Variants in STAT4 observed in about 807,000 individuals in gnomAD.
STAT4 encodes the protein signal transducer and activator of transcription 4.
In STAT4, 42 loss-of-function variants were observed where a neutral mutation model predicts 110.5. The ratio of observed to expected loss-of-function variants is 0.38; its 90% CI spans 0.30 to 0.49. The LOEUF is 0.49. Ranked by LOEUF, STAT4 falls within the 20% of genes least tolerant of loss-of-function variation. The probability of loss-of-function intolerance (pLI) is 0.95; values close to 1 mark genes in which losing one functional copy is unlikely to be tolerated. For missense variants in STAT4, 632 were observed against 887.9 expected (o/e 0.71, Z 3.66); for synonymous variants, 284 against 302.2 (o/e 0.94, Z 0.63).
intron 4 of STAT4, among the ~76,000 whole-genome samples, chr2:191,075,532 C>T (rs936262970): frequency 2.6e-5 from 4 of 152,160 alleles, no homozygotes; most frequent in South Asian, 2.1e-4. Context: ...CCAGAACATA[C>T]AGGAAGAGGC....
At position 191,123,319 on chromosome 2, in the gene STAT4, C is replaced by T. The variant is rs374500969; in HGVS notation, c.273+23294G>A. Reference sequence around the variant, plus strand: ...ACCTCCCCCGCTCCCTAGGTGAAGGCTAGTTCTAGGTGTGTCTTGGACTCC... The same window carrying T: ...ACCTCCCCCGCTCCCTAGGTGAAGGTTAGTTCTAGGTGTGTCTTGGACTCC... On this transcript the variant is annotated intron_variant, in intron 3 of 23. Transcript: ENST00000392320. Among the ~76,000 whole-genome samples, 9 of 152,304 alleles carry T rather than the reference C, an allele frequency of 5.9e-5. No homozygotes were observed. The East Asian group carries it at 1.4e-3, about 23-fold the overall frequency.
At chr2:191,126,207 T>C (rs1016091908) in intron 3 of STAT4, among the ~76,000 whole-genome samples, 1 of 152,210 alleles carries the variant, frequency 6.6e-6, no homozygotes, top group African/African-American at 2.4e-5. Context: ...TTTAACAAAA[T>C]TTATATTAAA....
chr2:191,062,962 T>A lies in STAT4; in HGVS notation c.783-42A>T. On this transcript the variant is annotated intron_variant, in intron 8 of 23. Transcript: ENST00000392320. This position sits in a 1 kb window ranked among gnomAD's most constrained non-coding sequence, Gnocchi z 4.9. ...GAAAATCAAAGATAGTTTTTCCACTTAATAATAAAAAAGCATTGTAACAAT... is the reference window on the plus strand; with the variant it reads ...GAAAATCAAAGATAGTTTTTCCACTAAATAATAAAAAAGCATTGTAACAAT... 1 of 1,569,624 alleles carries A rather than the reference T, an allele frequency of 6.4e-7. No homozygotes were observed. The highest frequency in any genetic ancestry group is 8.6e-7 in the Non-Finnish European group (1 of 1,156,672).
intron 3 of STAT4, among the ~76,000 whole-genome samples, chr2:191,125,980 G>T (rs1481152961): frequency 2.6e-5 from 4 of 152,164 alleles, no homozygotes; most frequent in African/African-American, 9.7e-5. Flanking sequence ...GAAGTTATTT[G>T]TTTGGACCCA....
chr2:191,094,593 C>T (rs1000648210), intron 3 of STAT4, among the ~76,000 whole-genome samples: 2 of 152,110 alleles, frequency 1.3e-5, no homozygotes, highest in Non-Finnish European at 2.9e-5. Context: ...GAAGGAAGCA[C>T]TAAAAATGGG....
intron 18 of STAT4, 105 bp downstream of exon 18, chr2:191,034,443 A>C (rs1009396501): frequency 2.1e-6 from 2 of 945,914 alleles, no homozygotes; most frequent in Admixed American, 4.4e-5. Context: ...AAAAAAGAAA[A>C]ATTCTTATCT....
chr2:191,126,516 A>C (rs1427993146), intron 3 of STAT4, among the ~76,000 whole-genome samples: 3 of 152,214 alleles, frequency 2.0e-5, no homozygotes, highest in African/African-American at 7.2e-5. Flanking sequence ...GAACACCTTC[A>C]TGTCGTCTTT....
At chr2:191,079,845 G>C (rs1293043459) in intron 3 of STAT4, among the ~76,000 whole-genome samples, 1 of 151,866 alleles carries the variant, frequency 6.6e-6, no homozygotes, top group Non-Finnish European at 1.5e-5. Context: ...CTTGTTTTAT[G>C]ACCCAGCATA....
At chr2:191,131,775 C>T in intron 3 of STAT4, 1 of 1,304,228 alleles carries the variant, frequency 7.7e-7, no homozygotes, top group Non-Finnish European at 9.8e-7. Flanking sequence ...ATCTTGGTTT[C>T]CTCAATTAGT....
intron 3 of STAT4, among the ~76,000 whole-genome samples, chr2:191,115,974 A>G (rs996682228): frequency 6.6e-6 from 1 of 152,194 alleles, no homozygotes; most frequent in Admixed American, 6.5e-5. Flanking sequence ...TCTATTCTAC[A>G]TTACTGCTTA....
At chr2:191,092,272 CAT>C (rs1697821120) in intron 3 of STAT4, among the ~76,000 whole-genome samples, 1 of 152,098 alleles carries the variant, frequency 6.6e-6, no homozygotes, top group South Asian at 2.1e-4. Flanking sequence ...GGCATGGTGG[CAT>C]GCGCCTGTAA....
chr2:191,073,241 G>T, intron 4 of STAT4, 51 bp from the exon 5 acceptor site: 1 of 1,457,042 alleles, frequency 6.9e-7, no homozygotes. Flanking sequence ...GGTTTATGAT[G>T]AATGCAATAC....
chr2:191,084,684 A>G (rs1410083754), intron 3 of STAT4, among the ~76,000 whole-genome samples: 1 of 152,100 alleles, frequency 6.6e-6, no homozygotes, highest in Admixed American at 6.5e-5. Flanking sequence ...AATCTTATAA[A>G]AAAATTCTAT....
At chr2:191,102,234 G>T (rs747835954) in intron 3 of STAT4, among the ~76,000 whole-genome samples, 7 of 151,972 alleles carry the variant, frequency 4.6e-5, no homozygotes, top group Non-Finnish European at 7.4e-5. Context: ...GGCTATGTGA[G>T]AATTTTCTTA....
intron 3 of STAT4, among the ~76,000 whole-genome samples, chr2:191,130,883 TGA>T (rs1699017023): frequency 6.6e-6 from 1 of 151,588 alleles, no homozygotes; most frequent in African/African-American, 2.4e-5. Flanking sequence ...ATATGAACAA[TGA>T]GAGCACTACA....
intron 3 of STAT4, among the ~76,000 whole-genome samples, chr2:191,121,192 C>T (rs1279346287): frequency 2.6e-5 from 4 of 152,186 alleles, no homozygotes; most frequent in African/African-American, 4.8e-5. Context: ...CACTGGCCAT[C>T]AGAGAAATGT....
intron 3 of STAT4, among the ~76,000 whole-genome samples, chr2:191,118,374 T>C (rs969215415): frequency 2.0e-5 from 3 of 152,182 alleles, no homozygotes; most frequent in Admixed American, 1.3e-4. Flanking sequence ...AATACTAATA[T>C]AATTGGGGCC....
rs769840136 is a variant in STAT4, at chr2:191,140,266, G to A, written c.273+6347C>T. ...TAGATGGGACCTAATTAACTAAAAAGCTTCTGCACAGCAAAAGAAATAATC... is the reference window on the plus strand; with the variant it reads ...TAGATGGGACCTAATTAACTAAAAAACTTCTGCACAGCAAAAGAAATAATC... On this transcript the variant is annotated intron_variant, in intron 3 of 23. Transcript: ENST00000392320. The surrounding 1 kb of genome is among the most constrained non-coding windows in gnomAD (Gnocchi z 4.4). Among the ~76,000 whole-genome samples, 8 of 152,172 alleles carry A rather than the reference G, an allele frequency of 5.3e-5. No individual in the cohort carries two copies. Among genetic ancestry groups the A allele is most frequent in the Non-Finnish European group, 1.0e-4 (7 of 68,024 alleles).
At chr2:191,134,305 G>A (rs931374146) in intron 3 of STAT4, among the ~76,000 whole-genome samples, 6 of 151,584 alleles carry the variant, frequency 4.0e-5, no homozygotes, top group African/African-American at 9.8e-5. Context: ...CTGCCTGCCC[G>A]GGGGTCCAAG....
Sources: allele counts gnomAD v4.1 joint callset (sites outside exome capture counted in the v4.1 genomes callset), GRCh38; gene constraint gnomAD v4.1.1; non-coding constraint Gnocchi (gnomAD v3.1); transcripts MANE v1.5; gene names NCBI Gene and HGNC (gene_info 2026-07-23, HGNC 2026-07-21).